The following EI24 variants were observed in gnomAD, a reference collection of about 807,000 sequenced individuals.
EI24 encodes etoposide-induced protein 2.4 homolog.
In EI24, 21 loss-of-function variants were observed where a neutral mutation model predicts 48.6. That is an observed-to-expected ratio of 0.43 (90% CI 0.31 to 0.62). EI24 has a LOEUF of 0.62. EI24 is among the 20% of genes least tolerant of loss of function. The pLI is 0.10. For missense variants in EI24, 280 were observed against 410.5 expected, an observed-to-expected ratio of 0.68 and a Z score of 2.75; for synonymous variants, 114 against 145.5, an observed-to-expected ratio of 0.78 and a Z score of 1.56.
At position 125,582,362 on chromosome 11, in the gene EI24, A is replaced by C. The variant is rs747178296; in HGVS notation, c.802A>C (p.Ile268Leu). ...SYIISGCLFS[I>L]LFPLFIISAN... ...TTTAAACAGTGGCTGCCTTTTCTCTATCCTCTTTCCTTTATTCATTATCAG... is the reference window on the plus strand; with the variant it reads ...TTTAAACAGTGGCTGCCTTTTCTCTCTCCTCTTTCCTTTATTCATTATCAG... Residue 268 changes from isoleucine to leucine, a missense_variant, in exon 10 of 11, where the codon ATC becomes CTC. Physicochemically the swap from Ile to Leu is conservative, Grantham distance 5 (BLOSUM62 2). Coordinates refer to ENST00000278903, the MANE Select transcript of EI24 (RefSeq NM_004879.5). 6 of 1,576,788 alleles carry C rather than the reference A, an allele frequency of 3.8e-6. No individual in the cohort carries two copies. The highest frequency in any genetic ancestry group is 2.3e-5 in the South Asian group (2 of 85,900).
chr11:125,570,344 CCT>C (rs1209243040), intron 1 of EI24: 3 of 152,302 alleles, frequency 2.0e-5, no homozygotes, highest in East Asian at 3.9e-4. Context: ...TAGGATTCCC[CCT>C]GTGTCATTCA....
At chr11:125,583,107 CT>C (rs981993729) in intron 10 of EI24, among the ~76,000 whole-genome samples, 22 of 147,814 alleles carry the variant, frequency 1.5e-4, no homozygotes, top group Admixed American at 4.1e-4. Flanking sequence ...CCAATGCATT[CT>C]TTTTTTTTTT....
rs375652371 is a variant in EI24, at chr11:125,583,615, A to G, written c.955A>G (p.Thr319Ala). The G allele has an allele frequency of 6.4e-4, 1,027 of 1,613,188 alleles. 1 individual carries two copies. The highest frequency in any genetic ancestry group is 8.3e-4 in the Non-Finnish European group (976 of 1,179,750). ...CCTGCAGTCGGCCCTGAGCAGCTCT[A>G]CTTCTGCAGAGAAGTTCCCTTCACC... is the stretch of plus-strand genomic sequence containing the variant. ...VYLQSALSSS[T>A]SAEKFPSPHP... The change falls in exon 11 of 11, where the codon ACT becomes GCT. Residue 319 changes from threonine (T) to alanine (A), a missense_variant. Physicochemically the swap from Thr to Ala is moderately conservative, Grantham distance 58. Transcript: ENST00000278903.
At chr11:125,572,231 A>G (rs1421828033) in intron 1 of EI24, among the ~76,000 whole-genome samples, 1 of 152,150 alleles carries the variant, frequency 6.6e-6, no homozygotes, top group African/African-American at 2.4e-5. Context: ...TGTAAAATGT[A>G]AAACCCCTTG....
intron 7 of EI24, among the ~76,000 whole-genome samples, chr11:125,579,860 C>T (rs1044388403): frequency 2.0e-5 from 3 of 152,068 alleles, no homozygotes; most frequent in Admixed American, 6.6e-5. Context: ...GACAGGGTCT[C>T]AGTATGTTGC....
At chr11:125,573,486 G>A in intron 2 of EI24, 2 of 353,542 alleles carry the variant, frequency 5.7e-6, no homozygotes, top group Admixed American at 3.0e-5. Context: ...GCTCACAGCT[G>A]TAATCTCAGC....
In EI24 at chr11:125,569,500, C is replaced by T; in HGVS notation, c.-144C>T. 1 of 384,472 alleles carries T rather than the reference C, an allele frequency of 2.6e-6. No homozygotes were observed. The highest frequency in any genetic ancestry group is 4.6e-6 in the Non-Finnish European group (1 of 216,908). The allele number at this position is 384,472 out of a possible 1,614,324, so 23.8% of individuals were successfully genotyped here. A position where few individuals can be genotyped will look rare whatever the true frequency, so the allele number is the denominator to read the frequency against. On this transcript the variant is annotated 5_prime_UTR_variant, in exon 1 of 11. Coordinates refer to ENST00000278903, the MANE Select transcript of EI24 (RefSeq NM_004879.5). ...CCAGTGCGGGCGCAGCGGCCCCGGC[C>T]CTGGAAGCGCCCCGGCGGAGCTGGC... is the stretch of plus-strand genomic sequence containing the variant.
intron 6 of EI24, among the ~76,000 whole-genome samples, chr11:125,578,504 T>TG (rs1938846966): frequency 2.2e-5 from 3 of 137,726 alleles, no homozygotes; most frequent in African/African-American, 8.2e-5. Context: ...TTTTTTTTTT[T>TG]GAGACAGTCT....
chr11:125,583,383 A>C, intron 10 of EI24, 138 bp from the exon 11 acceptor site: 1 of 718,334 alleles, frequency 1.4e-6, no homozygotes, highest in Admixed American at 3.1e-5. Context: ...CCATGTATCT[A>C]ATATCTGTAT....
At chr11:125,571,670 A>G (rs1474150674) in intron 1 of EI24, among the ~76,000 whole-genome samples, 1 of 152,170 alleles carries the variant, frequency 6.6e-6, no homozygotes, top group Non-Finnish European at 1.5e-5. Context: ...TGAGATCAGG[A>G]GTTTGAGATC....
intron 5 of EI24, 82 bp from the exon 6 acceptor site, chr11:125,578,051 A>C: frequency 6.5e-7 from 1 of 1,536,316 alleles, no homozygotes. Flanking sequence ...GAGACAGAGA[A>C]TAGTCACGAG....
chr11:125,574,185 A>G (rs1938643377), intron 2 of EI24, among the ~76,000 whole-genome samples: 1 of 151,774 alleles, frequency 6.6e-6, no homozygotes, highest in Admixed American at 6.6e-5. Flanking sequence ...CCTGGGAGGT[A>G]GAGGTTGCAA....
intron 4 of EI24, among the ~76,000 whole-genome samples, chr11:125,576,586 C>G (rs539646354): frequency 2.0e-5 from 3 of 152,288 alleles, no homozygotes; most frequent in Admixed American, 6.5e-5. Flanking sequence ...GTAGCAGTTT[C>G]TCTTGACACT....
intron 8 of EI24, 99 bp from the exon 9 acceptor site, chr11:125,581,112 A>ATAATAATAATAATAAT: frequency 2.1e-5 from 7 of 329,414 alleles, no homozygotes; most frequent in Middle Eastern, 1.1e-3. Flanking sequence ...AATAATAATA[A>ATAATAATAATAATAAT]AATCTGTACC....
In EI24 at chr11:125,569,508, C is replaced by A. The variant is rs753616814; in HGVS notation, c.-136C>A. Reference sequence around the variant, plus strand: ...GGCGCAGCGGCCCCGGCCCTGGAAGCGCCCCGGCGGAGCTGGCCTGCGGTG... The same window carrying A: ...GGCGCAGCGGCCCCGGCCCTGGAAGAGCCCCGGCGGAGCTGGCCTGCGGTG... On this transcript the variant is annotated 5_prime_UTR_variant, in exon 1 of 11. Coordinates refer to ENST00000278903, the MANE Select transcript of EI24 (RefSeq NM_004879.5). 5.2e-6 allele frequency: 2 copies of A among 384,072 alleles called. No individual in the cohort carries two copies. Among genetic ancestry groups the A allele is most frequent in the African/African-American group, 2.1e-5 (1 of 47,932 alleles). The allele number at this position is 384,072 out of a possible 1,614,324, so 23.8% of individuals were successfully genotyped here.
At chr11:125,575,188 C>G in intron 2 of EI24, 75 bp from the exon 3 acceptor site, 3 of 1,363,804 alleles carry the variant, frequency 2.2e-6, no homozygotes, top group Non-Finnish European at 3.0e-6. Context: ...GATTGAGTCA[C>G]TGCACTGTAG....
chr11:125,581,076 C>A (rs1565332321), intron 8 of EI24, 135 bp from the exon 9 acceptor site: 1 of 179,914 alleles, frequency 5.6e-6, no homozygotes. Context: ...GACTCCATCT[C>A]AAATAATAAT....
Position 125,577,645 on chromosome 11 carries a change from A to C in EI24, c.316+75A>C. On this transcript the variant is annotated intron_variant, in intron 5 of 10. Coordinates refer to ENST00000278903, the MANE Select transcript of EI24 (RefSeq NM_004879.5). ...TGTTTCAGTCTCCCTCAGTTTACTG[A>C]ACATTTCCTGTGTACCAGGAGCTTT... 2.4e-6 allele frequency: 3 copies of C among 1,261,844 alleles called. No homozygotes were observed. In the Admixed American group the frequency reaches 6.5e-5, roughly 27 times the overall value. 78.2% of individuals were successfully genotyped at this position (1,261,844 alleles called of 1,614,324 possible). A position where few individuals can be genotyped will look rare whatever the true frequency, so the allele number is the denominator to read the frequency against.
Position 125,578,195 on chromosome 11 carries a change from AGTGCTCTTTGG to A in EI24, c.386_396del (p.Leu129ProfsTer6). 1 of 1,613,946 alleles carries A rather than the reference AGTGCTCTTTGG, an allele frequency of 6.2e-7. No homozygotes were observed. Among genetic ancestry groups the A allele is most frequent in the Non-Finnish European group, 8.5e-7 (1 of 1,179,884 alleles). On this transcript the variant is annotated frameshift_variant, in exon 6 of 11. Transcript: ENST00000278903. LOFTEE classifies it high-confidence loss of function. ...GGAATTCTTCCTCACGTCAATTTTC[AGTGCTCTTTGG>A]GTGCTCCCCTTGTTTGTGCTTAGCA...
Sources: allele counts gnomAD v4.1 joint callset (sites outside exome capture counted in the v4.1 genomes callset), GRCh38; gene constraint gnomAD v4.1.1; transcripts MANE v1.5; gene names NCBI Gene and HGNC (gene_info 2026-07-23, HGNC 2026-07-21).